The following PPM1D variants were observed in gnomAD, a reference collection of about 807,000 sequenced individuals.
PPM1D encodes protein phosphatase 1D.
A neutral mutation model predicts 58.3 loss-of-function variants in PPM1D; 52 were observed. The observed-to-expected ratio is 0.89, with a 90% CI of 0.71 to 1.12. The LOEUF is 1.12. Ranked by LOEUF, PPM1D falls within the 50% of genes most tolerant of loss-of-function variation. The pLI is 0.00. For synonymous variants in PPM1D, 278 were observed against 285.1 expected (o/e 0.98, Z 0.25); for missense variants, 564 against 777.2 (o/e 0.73, Z 3.26).
chr17:60,658,054 G>A (rs957545824), intron 5 of PPM1D, among the ~76,000 whole-genome samples: 1 of 152,092 alleles, frequency 6.6e-6, no homozygotes, highest in Non-Finnish European at 1.5e-5. Flanking sequence ...TTCACAAAAG[G>A]TTTCTTTTCT....
At chr17:60,651,628 C>T (rs1429962638) in intron 4 of PPM1D, among the ~76,000 whole-genome samples, 2 of 152,004 alleles carry the variant, frequency 1.3e-5, no homozygotes, top group Non-Finnish European at 2.9e-5. Flanking sequence ...CATCTCCTGA[C>T]CTCATGATCC....
At chr17:60,642,941 C>A (rs1295820085) in intron 3 of PPM1D, among the ~76,000 whole-genome samples, 1 of 151,608 alleles carries the variant, frequency 6.6e-6, no homozygotes, top group African/African-American at 2.4e-5. Context: ...GTGGCGGGCG[C>A]CTTATAGTCC....
chr17:60,633,258 T>C (rs146515085), intron 2 of PPM1D, among the ~76,000 whole-genome samples: 7,079 of 152,202 alleles, frequency 0.047, 586 homozygotes, highest in African/African-American at 0.16. Context: ...GTGCTCCAGC[T>C]TGGGCAACAG....
chr17:60,617,319 A>G (rs1296111051), intron 1 of PPM1D, among the ~76,000 whole-genome samples: 1 of 151,680 alleles, frequency 6.6e-6, no homozygotes, highest in Non-Finnish European at 1.5e-5. Context: ...ATTCATTCAC[A>G]TTTATTGTAG....
In PPM1D at chr17:60,663,329, C is replaced by G; in HGVS notation, c.1595C>G (p.Thr532Arg). The change falls in exon 6 of 6, where the codon ACA (threonine) becomes AGA (arginine). Residue 532 changes from threonine to arginine, a missense_variant. Thr to Arg is a moderately conservative substitution (Grantham distance 71). Around this residue, in one of 7 missense-constraint regions of PPM1D, gnomAD observed 261 missense variants for 270.1 expected, o/e 0.97. Coordinates refer to ENST00000305921, the MANE Select transcript of PPM1D (RefSeq NM_003620.4). Reference protein sequence around the residue: ...KAQEIERTPPTNFKRTLEESN... With the variant: ...KAQEIERTPPRNFKRTLEESN... ...CAAGAAATTGAAAGAACCCCTCCAA[C>G]AAACTTTAAAAGGACATTAGAAGAG... 1.2e-6 allele frequency: 2 copies of G among 1,614,180 alleles called. No individual in the cohort carries two copies. The highest frequency in any genetic ancestry group is 2.2e-5 in the South Asian group (2 of 91,090).
At chr17:60,662,413 G>C (rs1291849895) in intron 5 of PPM1D, 1 of 152,176 alleles carries the variant, frequency 6.6e-6, no homozygotes, top group African/African-American at 2.4e-5. Flanking sequence ...TCCAATTTTA[G>C]TATATGTGCT....
intron 3 of PPM1D, among the ~76,000 whole-genome samples, chr17:60,638,274 T>C (rs1227844401): frequency 2.6e-5 from 4 of 152,262 alleles, no homozygotes; most frequent in African/African-American, 7.2e-5. Flanking sequence ...ATAAATATTT[T>C]CTTTTCAAAA....
intron 4 of PPM1D, among the ~76,000 whole-genome samples, chr17:60,648,888 C>T (rs919493776): frequency 5.3e-5 from 8 of 151,332 alleles, no homozygotes; most frequent in African/African-American, 9.7e-5. Flanking sequence ...CTCAGCCTCC[C>T]GAGTAGCTGG....
chr17:60,623,754 C>T lies in PPM1D; in HGVS notation c.701+5C>T. 6.2e-7 allele frequency: 1 copy of T among 1,613,092 alleles called. No homozygotes were observed. Among genetic ancestry groups the T allele is most frequent in the East Asian group, 2.2e-5 (1 of 44,880 alleles). On this transcript the variant is annotated splice_donor_5th_base_variant and intron_variant, in intron 2 of 5. Coordinates refer to ENST00000305921, the MANE Select transcript of PPM1D (RefSeq NM_003620.4). ...AATCGAAGGACTTGGTGGGAGGTAA[C>T]ATTCTGTCGTTTTCTCTTTCCTCTT... is the stretch of plus-strand genomic sequence containing the variant.
chr17:60,648,216 A>G, intron 4 of PPM1D, 134 bp downstream of exon 4: 1 of 843,442 alleles, frequency 1.2e-6, no homozygotes. Flanking sequence ...TAGTGGGTAA[A>G]ACATAGGCTT....
intron 5 of PPM1D, among the ~76,000 whole-genome samples, chr17:60,659,884 GGAAGCCAGCACACC>G (rs1240044763): frequency 4.9e-4 from 74 of 152,354 alleles, no homozygotes; most frequent in African/African-American, 1.8e-3. Context: ...GTAGGGGAAG[GGAAGCCAGCACACC>G]TGTGGTGTCA....
intron 4 of PPM1D, among the ~76,000 whole-genome samples, chr17:60,656,182 G>A (rs549359876): frequency 1.4e-3 from 206 of 151,572 alleles, no homozygotes; most frequent in Non-Finnish European, 2.0e-3. Flanking sequence ...TTGGCTGGGC[G>A]CAGTGGCTCA....
In PPM1D at chr17:60,600,698, G is replaced by T. The variant is rs770454702; in HGVS notation, c.284G>T (p.Arg95Leu). 1 of 1,599,202 alleles carries T rather than the reference G, an allele frequency of 6.3e-7. No individual in the cohort carries two copies. The highest frequency in any genetic ancestry group is 2.3e-5 in the East Asian group (1 of 44,000). The change falls in exon 1 of 6, where the codon CGT (arginine) becomes CTT (leucine). Residue 95 changes from arginine (R) to leucine (L), a missense_variant. Physicochemically the swap from Arg to Leu is moderately radical, Grantham distance 102 (BLOSUM62 -2). Coordinates refer to ENST00000305921, the MANE Select transcript of PPM1D (RefSeq NM_003620.4). Reference protein sequence around the residue: ...SPAPSRCCRRRSSVAFFAVCD... With the variant: ...SPAPSRCCRRLSSVAFFAVCD... ...GCACCTAGCCGCTGCTGCCGCCGCC[G>T]TTCCTCCGTGGCCTTTTTCGCCGTG...
chr17:60,609,422 TC>T (rs149375176), intron 1 of PPM1D, among the ~76,000 whole-genome samples: 6,349 of 152,258 alleles, frequency 0.042, 356 homozygotes, highest in African/African-American at 0.13. Context: ...ATATATGACA[TC>T]TTACTATATG....
intron 1 of PPM1D, among the ~76,000 whole-genome samples, chr17:60,613,571 C>G (rs968451166): frequency 6.6e-6 from 1 of 152,230 alleles, no homozygotes; most frequent in Non-Finnish European, 1.5e-5. Context: ...CTGGGCTGGC[C>G]GAGGCCGGAG....
chr17:60,625,942 C>T (rs2030798330), intron 2 of PPM1D, among the ~76,000 whole-genome samples: 1 of 152,050 alleles, frequency 6.6e-6, no homozygotes, highest in Admixed American at 6.6e-5. Flanking sequence ...GCTACTGTCC[C>T]AAAGGCCACC....
intron 3 of PPM1D, among the ~76,000 whole-genome samples, chr17:60,638,154 T>C (rs2031061413): frequency 6.6e-6 from 1 of 152,194 alleles, no homozygotes; most frequent in East Asian, 1.9e-4. Context: ...TACTTCAACA[T>C]AATTTTGTAA....
chr17:60,655,380 G>A (rs1175368457), intron 4 of PPM1D, among the ~76,000 whole-genome samples: 3 of 152,156 alleles, frequency 2.0e-5, no homozygotes, highest in East Asian at 1.9e-4. Context: ...ACGGAGTCTC[G>A]CTCTGTCGCC....
intron 3 of PPM1D, among the ~76,000 whole-genome samples, chr17:60,645,496 G>GTGTATATATATATATGTGTATATATA (rs2031219674): frequency 2.5e-5 from 3 of 119,322 alleles, no homozygotes; most frequent in African/African-American, 9.9e-5. Flanking sequence ...GTGTGTGTAT[G>GTGTATATATATATATGTGTATATATA]TGTATATATA....
Sources: gnomAD v4.1 joint callset for allele counts (sites outside exome capture counted in the v4.1 genomes callset) on GRCh38, gnomAD v4.1.1 for gene constraint, gnomAD v4.1.1 regional missense constraint, MANE v1.5 for transcripts, NCBI Gene and HGNC (gene_info 2026-07-23, HGNC 2026-07-21) for gene names.